MFSD6: variants seen among roughly 807,000 people sequenced by gnomAD.
MFSD6 encodes the protein major facilitator superfamily domain containing 6.
In MFSD6, 26 loss-of-function variants were observed where a neutral mutation model predicts 56.3. The observed-to-expected ratio is 0.46, with a 90% CI of 0.34 to 0.64. MFSD6 has a LOEUF of 0.64. MFSD6 is among the 30% of genes least tolerant of loss of function. MFSD6 has a pLI of 0.01. For synonymous variants in MFSD6, 331 were observed against 366.9 expected (o/e 0.90, Z 1.12); for missense variants, 750 against 986.2 (o/e 0.76, Z 3.21).
rs573960947 is a variant in MFSD6 at position 190,426,910 on chromosome 2, T to C, written c.-53-9067T>C. 1.1e-4 allele frequency among the ~76,000 whole-genome samples: 16 copies of C among 152,374 alleles called. No individual in the cohort carries two copies. Among genetic ancestry groups the C allele is most frequent in the Non-Finnish European group, 2.1e-4 (14 of 68,040 alleles). ...AAGAGAAGGGAGGATGCTGCTTTATTACTGCCAGCTGGAGGTAGAAGTCCA... is the reference window on the plus strand; with the variant it reads ...AAGAGAAGGGAGGATGCTGCTTTATCACTGCCAGCTGGAGGTAGAAGTCCA... On this transcript the variant is annotated intron_variant, in intron 2 of 7. Coordinates refer to ENST00000392328, the MANE Select transcript of MFSD6 (RefSeq NM_017694.4). The surrounding 1 kb of genome is among the most constrained non-coding windows in gnomAD (Gnocchi z 4.7).
rs745865163 is a variant in MFSD6, at chr2:190,436,600, A to G, written c.571A>G (p.Ile191Val). The G allele has an allele frequency of 5.6e-6, 9 of 1,614,210 alleles. No individual in the cohort carries two copies. The highest frequency in any genetic ancestry group is 1.6e-4 in the Middle Eastern group (1 of 6,062). The change falls in exon 3 of 8, where the codon ATA (isoleucine) becomes GTA (valine). Residue 191 changes from isoleucine (I) to valine (V), a missense_variant. Around this residue, in one of 5 missense-constraint regions of MFSD6, gnomAD observed 376 missense variants for 437.9 expected, o/e 0.86. Transcript: ENST00000392328. This position sits in a 1 kb window ranked among gnomAD's most constrained non-coding sequence, Gnocchi z 5.3. Reference sequence around the variant, plus strand: ...TTCTTCCTTTACCTCTTTCCTCACCATATCACCAAAAATGCGTGAGAAAAG... The same window carrying G: ...TTCTTCCTTTACCTCTTTCCTCACCGTATCACCAAAAATGCGTGAGAAAAG... The part of the protein sequence containing the change: ...TNSSFTSFLT[I>V]SPKMREKRNL...
intron 1 of MFSD6, among the ~76,000 whole-genome samples, chr2:190,408,750 G>T (rs1192750635): frequency 1.3e-5 from 2 of 151,372 alleles, no homozygotes; most frequent in East Asian, 3.9e-4. Context: ...TTTGTGGGGT[G>T]CTGGGGGAGG....
At chr2:190,474,181 C>G (rs903404642) in intron 4 of MFSD6, among the ~76,000 whole-genome samples, 9 of 151,608 alleles carry the variant, frequency 5.9e-5, no homozygotes, top group African/African-American at 2.2e-4. Flanking sequence ...CAAACACATT[C>G]AAAAGCTAGC....
intron 1 of MFSD6, among the ~76,000 whole-genome samples, chr2:190,409,769 T>C (rs1176211236): frequency 2.0e-5 from 3 of 152,190 alleles, no homozygotes; most frequent in African/African-American, 7.2e-5. Flanking sequence ...AGTAAAAGGA[T>C]AGGATCCTCC....
Position 190,494,015 on chromosome 2 carries a change from T to A in MFSD6, c.1892-3424T>A, listed in dbSNP as rs940851665. 6.7e-6 allele frequency among the ~76,000 whole-genome samples: 1 copy of A among 148,998 alleles called. No individual in the cohort carries two copies. The highest frequency in any genetic ancestry group is 1.5e-5 in the Non-Finnish European group (1 of 67,022). On this transcript the variant is annotated intron_variant, in intron 6 of 7. Transcript: ENST00000392328. This position sits in a 1 kb window ranked among gnomAD's most constrained non-coding sequence, Gnocchi z 5.7. ...AAAGGAAATAACCAAGATGAGAGAATAACTAAATGAAATTGAAGGAAAAAA... is the reference window on the plus strand; with the variant it reads ...AAAGGAAATAACCAAGATGAGAGAAAAACTAAATGAAATTGAAGGAAAAAA...
At position 190,457,000 on chromosome 2, in the gene MFSD6, G is replaced by A. The variant is rs62181017; in HGVS notation, c.1533-12758G>A. ...ACCGTCTTCTGATGCCAACATAAAC[G>A]TTCATCCAGCTTCCTTAATCCGCGC... On this transcript the variant is annotated intron_variant, in intron 3 of 7. Coordinates refer to ENST00000392328, the MANE Select transcript of MFSD6 (RefSeq NM_017694.4). The surrounding 1 kb of genome is among the most constrained non-coding windows in gnomAD (Gnocchi z 5.4). Among the ~76,000 whole-genome samples the A allele has an allele frequency of 0.23, 35,054 of 151,952 alleles. 4,953 individuals carry two copies. The highest frequency in any genetic ancestry group is 0.33 in the South Asian group (1,591 of 4,804).
Position 190,501,436 on chromosome 2 carries a change from C to G in MFSD6, c.*1218C>G, listed in dbSNP as rs367642212. ...CAGAACAATGGCTGGGTGGATCGCA[C>G]GTAAAGCTTGCCACTAAAAATCAAA... On this transcript the variant is annotated 3_prime_UTR_variant, in exon 8 of 8. Transcript: ENST00000392328. 4.6e-5 allele frequency: 7 copies of G among 152,184 alleles called. No homozygotes were observed. The East Asian group carries it at 9.6e-4, about 21-fold the overall frequency. The allele number at this position is 152,184 out of a possible 1,614,324, so 9.4% of individuals were successfully genotyped here. A position where few individuals can be genotyped will look rare whatever the true frequency, so the allele number is the denominator to read the frequency against.
chr2:190,451,658 G>A lies in MFSD6; in HGVS notation c.1532+14097G>A, dbSNP rs1227455084. Among the ~76,000 whole-genome samples the A allele has an allele frequency of 2.0e-5, 3 of 152,218 alleles. No homozygotes were observed. The highest frequency in any genetic ancestry group is 4.4e-5 in the Non-Finnish European group (3 of 68,044). Reference sequence around the variant, plus strand: ...GGTTAGGCTGGGAGACTTTCCCTGAGGAAGTGGCATTTGAGCAGAGTCCTG... The same window carrying A: ...GGTTAGGCTGGGAGACTTTCCCTGAAGAAGTGGCATTTGAGCAGAGTCCTG... On this transcript the variant is annotated intron_variant, in intron 3 of 7. Coordinates refer to ENST00000392328, the MANE Select transcript of MFSD6 (RefSeq NM_017694.4). The surrounding 1 kb of genome is among the most constrained non-coding windows in gnomAD (Gnocchi z 5.0).
rs1283857303 is a variant in MFSD6 at position 190,434,635 on chromosome 2, T to C, written c.-53-1342T>C. On this transcript the variant is annotated intron_variant, in intron 2 of 7. Transcript: ENST00000392328. This position sits in a 1 kb window ranked among gnomAD's most constrained non-coding sequence, Gnocchi z 4.3. ...TTTTAGTAGAAACGGGGTTTCACCA[T>C]GTTGGCCAGGATGGTCTCAATCTCC... Among the ~76,000 whole-genome samples, 1 of 152,150 alleles carries C rather than the reference T, an allele frequency of 6.6e-6. No individual in the cohort carries two copies. The highest frequency in any genetic ancestry group is 1.5e-5 in the Non-Finnish European group (1 of 68,022).
rs1395232641 is a variant in MFSD6, at chr2:190,439,099, C to T, written c.1532+1538C>T. ...GACTCGGAATGCCCTTTAATTTTGT[C>T]CACACCATGTTTAGATTATCTGAGC... On this transcript the variant is annotated intron_variant, in intron 3 of 7. Coordinates refer to ENST00000392328, the MANE Select transcript of MFSD6 (RefSeq NM_017694.4). The surrounding 1 kb of genome is among the most constrained non-coding windows in gnomAD (Gnocchi z 5.8). Among the ~76,000 whole-genome samples, 2 of 151,972 alleles carry T rather than the reference C, an allele frequency of 1.3e-5. No homozygotes were observed. The highest frequency in any genetic ancestry group is 2.9e-5 in the Non-Finnish European group (2 of 68,014).
chr2:190,470,882 C>T (rs1687881764), intron 4 of MFSD6, among the ~76,000 whole-genome samples: 1 of 151,472 alleles, frequency 6.6e-6, no homozygotes, highest in Non-Finnish European at 1.5e-5. Context: ...TTTATATTCA[C>T]ATTATAATTA....
chr2:190,452,357 C>T (rs1686808489), intron 3 of MFSD6, among the ~76,000 whole-genome samples: 1 of 152,040 alleles, frequency 6.6e-6, no homozygotes, highest in Admixed American at 6.6e-5. Context: ...AATTATACTA[C>T]CATTTGATTG....
In MFSD6 at chr2:190,439,324, A is replaced by G. The variant is rs999536728; in HGVS notation, c.1532+1763A>G. Among the ~76,000 whole-genome samples the G allele has an allele frequency of 8.5e-5, 13 of 152,126 alleles. No individual in the cohort carries two copies. The highest frequency in any genetic ancestry group is 1.9e-4 in the East Asian group (1 of 5,190). The stretch of plus-strand genomic sequence containing the variant: ...CATGAGTTGAACACTGACTCAGTAC[A>G]GAGTATGTGTTTAGGTTCTATTTTC... On this transcript the variant is annotated intron_variant, in intron 3 of 7. Coordinates refer to ENST00000392328, the MANE Select transcript of MFSD6 (RefSeq NM_017694.4). The surrounding 1 kb of genome is among the most constrained non-coding windows in gnomAD (Gnocchi z 5.8).
chr2:190,428,032 A>G (rs931713687), intron 2 of MFSD6, among the ~76,000 whole-genome samples: 2 of 152,164 alleles, frequency 1.3e-5, no homozygotes, highest in African/African-American at 2.4e-5. Flanking sequence ...GTGCCCTGCC[A>G]TGTCTACCAC....
chr2:190,418,287 G>C lies in MFSD6; in HGVS notation c.-54+2874G>C, dbSNP rs1690871889. ...TGAGTTAATACATGCTAGGTTCATA[G>C]CAAGTGTTACTTAAGTGTTATTGTA... On this transcript the variant is annotated intron_variant, in intron 2 of 7. Coordinates refer to ENST00000392328, the MANE Select transcript of MFSD6 (RefSeq NM_017694.4). The surrounding 1 kb of genome is among the most constrained non-coding windows in gnomAD (Gnocchi z 4.1). Among the ~76,000 whole-genome samples the C allele has an allele frequency of 6.6e-6, 1 of 152,200 alleles. No homozygotes were observed. Among genetic ancestry groups the C allele is most frequent in the Non-Finnish European group, 1.5e-5 (1 of 68,028 alleles).
rs1171129890 is a variant in MFSD6 at position 190,417,255 on chromosome 2, T to C, written c.-54+1842T>C. On this transcript the variant is annotated intron_variant, in intron 2 of 7. Coordinates refer to ENST00000392328, the MANE Select transcript of MFSD6 (RefSeq NM_017694.4). The surrounding 1 kb of genome is among the most constrained non-coding windows in gnomAD (Gnocchi z 5.7). ...TGATACCATCACAGGACTTCAGTAC[T>C]GGATCATTAGCGGTAAGATCAGCAC... is the stretch of plus-strand genomic sequence containing the variant. 6.6e-6 allele frequency among the ~76,000 whole-genome samples: 1 copy of C among 152,196 alleles called. No individual in the cohort carries two copies. The highest frequency in any genetic ancestry group is 1.5e-5 in the Non-Finnish European group (1 of 68,046).
rs1402724395 is a variant in MFSD6, at chr2:190,465,036, ACT to A, written c.1533-4719_1533-4718del. ...AATTCATTGTATCTATATCTTGAACACTCTTGAAAAAAATACCAGTTTTATTA... is the reference window on the plus strand; with the variant it reads ...AATTCATTGTATCTATATCTTGAACACTTGAAAAAAATACCAGTTTTATTA... On this transcript the variant is annotated intron_variant, in intron 3 of 7. Transcript: ENST00000392328. The surrounding 1 kb of genome is among the most constrained non-coding windows in gnomAD (Gnocchi z 4.6). The A allele has an allele frequency of 2.0e-6, 1 of 499,452 alleles. No homozygotes were observed. The highest frequency in any genetic ancestry group is 2.6e-6 in the Non-Finnish European group (1 of 384,752). The allele number at this position is 499,452 out of a possible 1,614,324, so 30.9% of individuals were successfully genotyped here. A position where few individuals can be genotyped will look rare whatever the true frequency, so the allele number is the denominator to read the frequency against.
Position 190,424,743 on chromosome 2 carries a change from G to A in MFSD6, c.-54+9330G>A, listed in dbSNP as rs185774399. Among the ~76,000 whole-genome samples, 139 of 152,210 alleles carry A rather than the reference G, an allele frequency of 9.1e-4. No homozygotes were observed. Among genetic ancestry groups the A allele is most frequent in the African/African-American group, 3.3e-3 (136 of 41,542 alleles). On this transcript the variant is annotated intron_variant, in intron 2 of 7. Coordinates refer to ENST00000392328, the MANE Select transcript of MFSD6 (RefSeq NM_017694.4). This position sits in a 1 kb window ranked among gnomAD's most constrained non-coding sequence, Gnocchi z 5.9. ...TGCATCTTTGTTAAAAAACAGTTGG[G>A]CATATTTGGGTGGATTTGTTCTGGG... is the stretch of plus-strand genomic sequence containing the variant.
Position 190,489,875 on chromosome 2 carries a change from T to C in MFSD6, c.1891+9T>C. ...GCCAGATGAGGAAGAAGGTAATTAT[T>C]TCCATTCTTTCTTAATATTCCTAAC... On this transcript the variant is annotated intron_variant, in intron 6 of 7. Coordinates refer to ENST00000392328, the MANE Select transcript of MFSD6 (RefSeq NM_017694.4). The surrounding 1 kb of genome is among the most constrained non-coding windows in gnomAD (Gnocchi z 6.6). 1 of 1,611,076 alleles carries C rather than the reference T, an allele frequency of 6.2e-7. No individual in the cohort carries two copies. Among genetic ancestry groups the C allele is most frequent in the South Asian group, 1.1e-5 (1 of 90,700 alleles).
Sources: allele counts gnomAD v4.1 joint callset (sites outside exome capture counted in the v4.1 genomes callset), GRCh38; gene constraint gnomAD v4.1.1; regional missense constraint gnomAD v4.1.1; non-coding constraint Gnocchi (gnomAD v3.1); transcripts MANE v1.5; gene names NCBI Gene and HGNC (gene_info 2026-07-23, HGNC 2026-07-21).